RMDN2: variants seen among roughly 807,000 people sequenced by gnomAD.
The protein encoded by RMDN2 is regulator of microtubule dynamics protein 2.
A neutral mutation model predicts 52.8 loss-of-function variants in RMDN2; 61 were observed. The ratio of observed to expected loss-of-function variants is 1.16; its 90% CI spans 0.94 to 1.43. The LOEUF (loss-of-function observed/expected upper bound fraction) is 1.43. Among genes scored for constraint, RMDN2 ranks in the 40% most tolerant of loss-of-function variants. RMDN2 has a pLI of 0.00. For missense variants in RMDN2, 592 were observed against 475.3 expected, an observed-to-expected ratio of 1.25 and a Z score of -2.28; for synonymous variants, 180 against 153.1, an observed-to-expected ratio of 1.18 and a Z score of -1.30.
At chr2:37,957,502 T>C (rs1435364282) in intron 2 of RMDN2, among the ~76,000 whole-genome samples, 1 of 152,212 alleles carries the variant, frequency 6.6e-6, no homozygotes, top group Non-Finnish European at 1.5e-5. Flanking sequence ...TTTGGTTTTT[T>C]CTTGTAAATT....
intron 10 of RMDN2, among the ~76,000 whole-genome samples, chr2:38,062,895 G>C (rs1473905524): frequency 6.6e-6 from 1 of 150,514 alleles, no homozygotes; most frequent in Non-Finnish European, 1.5e-5. Flanking sequence ...GCCATAGTTT[G>C]CTGAGAATGA....
chr2:37,956,681 A>C (rs1279395792), intron 2 of RMDN2, among the ~76,000 whole-genome samples: 2 of 150,448 alleles, frequency 1.3e-5, no homozygotes, highest in East Asian at 3.9e-4. Flanking sequence ...TTATACTTTT[A>C]AGTTCTGGGA....
At chr2:37,952,929 T>C (rs984943217) in intron 2 of RMDN2, 1 of 151,860 alleles carries the variant, frequency 6.6e-6, no homozygotes, top group Non-Finnish European at 1.5e-5. Context: ...TTTTTCCGAT[T>C]GTATTAACAA....
At chr2:38,007,592 G>C (rs139167619) in intron 10 of RMDN2, among the ~76,000 whole-genome samples, 14 of 152,052 alleles carry the variant, frequency 9.2e-5, no homozygotes, top group Non-Finnish European at 1.3e-4. Flanking sequence ...TGATTCTTCT[G>C]TCTTTTCTTC....
downstream of RMDN2, among the ~76,000 whole-genome samples, chr2:38,018,781 C>G (rs1167379687): frequency 6.6e-6 from 1 of 152,066 alleles, no homozygotes; most frequent in Non-Finnish European, 1.5e-5. Flanking sequence ...TAGCAGTGAG[C>G]TATAAAGATT....
chr2:38,059,518 C>G (rs192699628), intron 10 of RMDN2, among the ~76,000 whole-genome samples: 22 of 152,202 alleles, frequency 1.4e-4, no homozygotes, highest in Non-Finnish European at 2.8e-4. Flanking sequence ...AAATCATCAT[C>G]AAAATGTAAA....
intron 2 of RMDN2, among the ~76,000 whole-genome samples, chr2:37,949,668 C>G (rs1238014127): frequency 1.3e-5 from 2 of 152,040 alleles, no homozygotes; most frequent in African/African-American, 4.8e-5. Flanking sequence ...GGAATTTGTT[C>G]AAGGGTTTCC....
chr2:38,043,448 T>C (rs961805492), intron 10 of RMDN2, among the ~76,000 whole-genome samples: 4 of 152,140 alleles, frequency 2.6e-5, no homozygotes, highest in African/African-American at 7.2e-5. Context: ...CAGTCTCTGT[T>C]TTTTAATTGG....
chr2:37,946,248 G>T (rs921485404), intron 2 of RMDN2, among the ~76,000 whole-genome samples: 1 of 152,050 alleles, frequency 6.6e-6, no homozygotes, highest in Non-Finnish European at 1.5e-5. Flanking sequence ...TGGGTGTAGG[G>T]GTTGGAGGTG....
chr2:37,934,162 C>T (rs994535478), intron 2 of RMDN2, among the ~76,000 whole-genome samples: 1 of 152,190 alleles, frequency 6.6e-6, no homozygotes, highest in Non-Finnish European at 1.5e-5. Context: ...ATATCAGCCA[C>T]AATTTTCTAA....
chr2:37,949,000 T>A (rs568158577), intron 2 of RMDN2, among the ~76,000 whole-genome samples: 16 of 152,180 alleles, frequency 1.1e-4, no homozygotes, highest in Non-Finnish European at 1.5e-4. Flanking sequence ...CAAAGAAAAA[T>A]TTTTTATAGA....
intron 8 of RMDN2, chr2:38,003,016 T>C (rs975598788): frequency 6.6e-6 from 1 of 152,180 alleles, no homozygotes; most frequent in African/African-American, 2.4e-5. Context: ...TTCCCAGAGA[T>C]AAAGGAACTG....
At chr2:38,012,387 C>T (rs982764721) in intron 10 of RMDN2, among the ~76,000 whole-genome samples, 2 of 152,158 alleles carry the variant, frequency 1.3e-5, no homozygotes, top group Non-Finnish European at 2.9e-5. Context: ...TCACTGTACC[C>T]CTAATCCTGT....
At position 37,997,320 on chromosome 2, in the gene RMDN2, G is replaced by A. The variant is rs2305136; in HGVS notation, c.946-96G>A. On this transcript the variant is annotated intron_variant, in intron 7 of 10. Coordinates refer to ENST00000354545, the MANE Select transcript of RMDN2 (RefSeq NM_001170791.3). ...ATGTTATATCTATACACACACACAC[G>A]TATATACACATAACACACACACGTC... 1,071 of 779,144 alleles carry A rather than the reference G, an allele frequency of 1.4e-3. 14 individuals are homozygous for A. The East Asian group carries it at 0.023, about 17-fold the overall frequency. The allele number at this position is 779,144 out of a possible 1,614,324, so 48.3% of individuals were successfully genotyped here. A position where few individuals can be genotyped will look rare whatever the true frequency, so the allele number is the denominator to read the frequency against.
intron 10 of RMDN2, among the ~76,000 whole-genome samples, chr2:38,012,082 A>T (rs551443478): frequency 3.0e-4 from 46 of 152,172 alleles, no homozygotes; most frequent in African/African-American, 1.1e-3. Flanking sequence ...CAATCTCTCA[A>T]GCTTCATATG....
intron 4 of RMDN2, among the ~76,000 whole-genome samples, chr2:37,979,852 G>T (rs1370372469): frequency 1.3e-5 from 2 of 151,942 alleles, no homozygotes; most frequent in African/African-American, 4.8e-5. Context: ...CTAAAAAATT[G>T]ATTTAGTTTT....
At chr2:37,951,388 C>G in intron 2 of RMDN2, 3 of 1,613,210 alleles carry the variant, frequency 1.9e-6, no homozygotes, top group Non-Finnish European at 2.5e-6. Context: ...GTCAATGCAG[C>G]CAAAGCAAGT....
At chr2:37,962,794 C>G (rs1558477480) in intron 2 of RMDN2, among the ~76,000 whole-genome samples, 2 of 152,098 alleles carry the variant, frequency 1.3e-5, no homozygotes, top group African/African-American at 2.4e-5. Flanking sequence ...CAAACGGCTG[C>G]CCAGTTTTGT....
At chr2:37,993,880 T>C (rs1422556680) in intron 7 of RMDN2, among the ~76,000 whole-genome samples, 1 of 152,136 alleles carries the variant, frequency 6.6e-6, no homozygotes, top group Non-Finnish European at 1.5e-5. Flanking sequence ...GAAACGCTGC[T>C]AAGATTTAAA....
Sources: gnomAD v4.1 joint callset for allele counts (sites outside exome capture counted in the v4.1 genomes callset) on GRCh38, gnomAD v4.1.1 for gene constraint, MANE v1.5 for transcripts, NCBI Gene and HGNC (gene_info 2026-07-23, HGNC 2026-07-21) for gene names.